Variants in AOPEP observed in about 807,000 individuals in gnomAD.
The protein encoded by AOPEP is aminopeptidase O (putative), also known as aminopeptidase O.
Under a neutral mutation model 98.1 loss-of-function variants are expected in AOPEP, and 77 were observed. The observed-to-expected ratio is 0.78, with a 90% confidence interval of 0.65 to 0.95. The LOEUF (loss-of-function observed/expected upper bound fraction) is 0.95, where lower values mean the gene tolerates loss of function less well. Among genes scored for constraint, AOPEP ranks in the 40% least tolerant of loss-of-function variants. The pLI, the probability that AOPEP is intolerant of heterozygous loss-of-function variation, is 0.00. For synonymous variants in AOPEP, 346 were observed against 365.3 expected (o/e 0.95, Z 0.60); for missense variants, 1,024 against 1,024.7 (o/e 1.00, Z 0.01).
chr9:95,030,345 T>C (rs770362001), intron 13 of AOPEP, among the ~76,000 whole-genome samples: 1 of 152,252 alleles, frequency 6.6e-6, no homozygotes, highest in Non-Finnish European at 1.5e-5. Context: ...AAAAAAATAA[T>C]TGAATTCAGT....
intron 13 of AOPEP, among the ~76,000 whole-genome samples, chr9:95,009,482 G>A (rs951976334): frequency 6.6e-5 from 10 of 152,024 alleles, no homozygotes; most frequent in Non-Finnish European, 8.8e-5. Context: ...TATAGTAAGC[G>A]GAGAACTAGT....
chr9:94,748,851 G>A (rs1354637561), intron 1 of AOPEP, among the ~76,000 whole-genome samples: 1 of 152,128 alleles, frequency 6.6e-6, no homozygotes, highest in East Asian at 1.9e-4. Flanking sequence ...CCTTCTCATT[G>A]CATCATCCTA....
In AOPEP at chr9:94,955,212, C is replaced by T. The variant is rs141891246; in HGVS notation, c.1697C>T (p.Ser566Leu). 56 of 1,613,440 alleles carry T rather than the reference C, an allele frequency of 3.5e-5. No individual in the cohort carries two copies. Among genetic ancestry groups the T allele is most frequent in the African/African-American group, 3.1e-4 (23 of 75,022 alleles). The stretch of plus-strand genomic sequence containing the variant: ...GACAAAACTGGCCACACAAGTGACT[C>T]GGGAGCATCTGTTATCAAGCATGGA... ...SKDKTGHTSDSGASVIKHGLN... is the reference protein window; with the variant it reads ...SKDKTGHTSDLGASVIKHGLN... Residue 566 changes from serine (S) to leucine (L), a missense_variant, in exon 8 of 17, where the codon TCG becomes TTG. Around this residue, in one of 3 missense-constraint regions of AOPEP, gnomAD observed 566 missense variants for 551.7 expected, o/e 1.03. Transcript: ENST00000375315.
intron 1 of AOPEP, among the ~76,000 whole-genome samples, chr9:94,735,975 G>T (rs1831666729): frequency 6.6e-6 from 1 of 152,224 alleles, no homozygotes; most frequent in Non-Finnish European, 1.5e-5. Flanking sequence ...GGTTCGTCCA[G>T]GTTGTGGCAT....
intron 10 of AOPEP, among the ~76,000 whole-genome samples, chr9:94,973,820 C>G (rs1038545798): frequency 6.6e-6 from 1 of 152,204 alleles, no homozygotes; most frequent in Non-Finnish European, 1.5e-5. Flanking sequence ...CCTGTAAGTT[C>G]TAGGTCCTGG....
the AOPEP span, among the ~76,000 whole-genome samples, chr9:95,107,739 AACAC>A: frequency 6.6e-6 from 1 of 151,778 alleles, no homozygotes; most frequent in Non-Finnish European, 1.5e-5. Flanking sequence ...GGTCGGGGGG[AACAC>A]ACACACATGC....
At chr9:95,110,686 A>C in the AOPEP span, 1 of 1,054,550 alleles carries the variant, frequency 9.5e-7, no homozygotes, top group Non-Finnish European at 1.1e-6. Flanking sequence ...AAGCCAAGAG[A>C]AGCAGGGCTC....
chr9:94,879,173 A>G (rs2047299431), intron 5 of AOPEP, among the ~76,000 whole-genome samples: 2 of 152,222 alleles, frequency 1.3e-5, no homozygotes, highest in Admixed American at 1.3e-4. Context: ...TATGACTCCT[A>G]AACTACAATT....
the AOPEP span, among the ~76,000 whole-genome samples, chr9:95,109,009 G>A: frequency 6.6e-6 from 1 of 151,802 alleles, no homozygotes; most frequent in African/African-American, 2.4e-5. Context: ...GAGCTCAAGC[G>A]ATCCTTCCAT....
At chr9:94,996,257 GAACAAACATT>G (rs956977383) in intron 11 of AOPEP, among the ~76,000 whole-genome samples, 2 of 151,932 alleles carry the variant, frequency 1.3e-5, no homozygotes, top group African/African-American at 4.8e-5. Context: ...AATGTTTGGT[GAACAAACATT>G]CTGGAAAATA....
At chr9:94,892,273 C>T (rs960317196) in intron 5 of AOPEP, among the ~76,000 whole-genome samples, 3 of 152,186 alleles carry the variant, frequency 2.0e-5, no homozygotes, top group Non-Finnish European at 4.4e-5. Context: ...TCCTCTCTTT[C>T]TGAGACCTTT....
chr9:95,098,704 A>G, the AOPEP span, among the ~76,000 whole-genome samples: 4 of 152,244 alleles, frequency 2.6e-5, no homozygotes, highest in Non-Finnish European at 2.9e-5. Context: ...TGGGTGGGCT[A>G]TGCTGGTGGG....
At chr9:95,032,702 T>G (rs1185049675) in intron 13 of AOPEP, among the ~76,000 whole-genome samples, 2 of 152,196 alleles carry the variant, frequency 1.3e-5, no homozygotes, top group Admixed American at 6.5e-5. Context: ...AAATACTAGG[T>G]GTTACTTAGG....
intron 9 of AOPEP, among the ~76,000 whole-genome samples, chr9:94,959,069 A>T (rs915150481): frequency 6.9e-6 from 1 of 144,692 alleles, no homozygotes; most frequent in Non-Finnish European, 1.5e-5. Context: ...TTTGAAATGG[A>T]GTCTCGCTCT....
intron 16 of AOPEP, among the ~76,000 whole-genome samples, chr9:95,085,702 C>T (rs2070577675): frequency 6.6e-6 from 1 of 152,226 alleles, no homozygotes. Context: ...TAGCCATGTA[C>T]TGAGTCCTTA....
At chr9:94,983,005 CTTTTG>C (rs1023880340) in intron 11 of AOPEP, among the ~76,000 whole-genome samples, 9 of 151,836 alleles carry the variant, frequency 5.9e-5, no homozygotes, top group South Asian at 4.2e-4. Context: ...CAGAACTGCG[CTTTTG>C]TTTTGTTTTG....
chr9:95,111,058 G>T, the AOPEP span: 2 of 1,480,664 alleles, frequency 1.4e-6, no homozygotes, highest in Non-Finnish European at 1.8e-6. Flanking sequence ...GCCCTGGCCG[G>T]GCTGCTGGGG....
At chr9:95,055,962 T>C (rs530006072) in intron 13 of AOPEP, among the ~76,000 whole-genome samples, 1 of 152,254 alleles carries the variant, frequency 6.6e-6, no homozygotes, top group African/African-American at 2.4e-5. Flanking sequence ...AATGCTTTTC[T>C]GGAAGAAGAA....
intron 7 of AOPEP, among the ~76,000 whole-genome samples, chr9:94,941,144 T>C (rs1395215549): frequency 6.6e-6 from 1 of 152,216 alleles, no homozygotes; most frequent in Non-Finnish European, 1.5e-5. Flanking sequence ...GGAACCTACA[T>C]CTAGTCCAGC....
Sources: gnomAD v4.1 joint callset for allele counts (sites outside exome capture counted in the v4.1 genomes callset) on GRCh38, gnomAD v4.1.1 for gene constraint, gnomAD v4.1.1 regional missense constraint, MANE v1.5 for transcripts, NCBI Gene and HGNC (gene_info 2026-07-23, HGNC 2026-07-21) for gene names.